Variants in SBNO2 observed in about 807,000 individuals in gnomAD.
SBNO2 encodes the protein protein strawberry notch homolog 2.
In SBNO2, 89 loss-of-function variants were observed where a neutral mutation model predicts 146.3. The observed-to-expected ratio is 0.61, with a 90% CI of 0.51 to 0.73. SBNO2 has a LOEUF of 0.73. SBNO2 is among the 30% of genes least tolerant of loss of function. SBNO2 has a pLI of 0.00. For synonymous variants in SBNO2, 1,147 were observed against 892.6 expected, an observed-to-expected ratio of 1.29 and a Z score of -5.08; for missense variants, 2,092 against 2,003.7, an observed-to-expected ratio of 1.04 and a Z score of -0.84.
At chr19:1,139,079 CA>C (rs1334922132) in intron 4 of SBNO2, among the ~76,000 whole-genome samples, 1 of 152,188 alleles carries the variant, frequency 6.6e-6, no homozygotes, top group Non-Finnish European at 1.5e-5. Context: ...CCATCATGAA[CA>C]AAAACAGTGG....
rs1568555958 is a variant in SBNO2, at chr19:1,112,326, CCCGGCCAGGCGGGGGCGGGG to C, written c.2516-45_2516-26del. 6.4e-7 allele frequency: 1 copy of C among 1,571,536 alleles called. No homozygotes were observed. Among genetic ancestry groups the C allele is most frequent in the South Asian group, 1.2e-5 (1 of 86,560 alleles). On this transcript the variant is annotated intron_variant, in intron 21 of 31. Coordinates refer to ENST00000361757, the MANE Select transcript of SBNO2 (RefSeq NM_014963.3). The surrounding 1 kb of genome is among the most constrained non-coding windows in gnomAD (Gnocchi z 5.9). The stretch of plus-strand genomic sequence containing the variant: ...CCTGGGGGCAGAGCTGCTCTCAGGG[CCCGGCCAGGCGGGGGCGGGG>C]CCGAGACCATGTTGGGGGCGGGGCC...
At chr19:1,127,488 A>G (rs753615477) in intron 5 of SBNO2, 116 bp downstream of exon 5, 2 of 993,930 alleles carry the variant, frequency 2.0e-6, no homozygotes, top group South Asian at 1.4e-5. Context: ...AGTGACAGGC[A>G]CAGCCATTGG....
intron 4 of SBNO2, among the ~76,000 whole-genome samples, chr19:1,143,119 C>T (rs1343784260): frequency 6.6e-6 from 1 of 152,188 alleles, no homozygotes; most frequent in Non-Finnish European, 1.5e-5. Context: ...TGCCACAGGT[C>T]ACACGATGGC....
rs1568633658 is a variant in SBNO2 at position 1,158,893 on chromosome 19, ACAGCCGCGACCCCACCTG to A, written c.-126-4509_-126-4492del. On this transcript the variant is annotated intron_variant, in intron 1 of 31. Coordinates refer to ENST00000361757, the MANE Select transcript of SBNO2 (RefSeq NM_014963.3). This position sits in a 1 kb window ranked among gnomAD's most constrained non-coding sequence, Gnocchi z 9.9. Reference sequence around the variant, plus strand: ...CTCCTGCAGCTGTGACCGCCGCCCCACAGCCGCGACCCCACCTGCAGCCGTGACCCCACCTGCAGCCGC... The same window carrying A: ...CTCCTGCAGCTGTGACCGCCGCCCCACAGCCGTGACCCCACCTGCAGCCGC... 6.6e-6 allele frequency among the ~76,000 whole-genome samples: 1 copy of A among 151,342 alleles called. No homozygotes were observed. The highest frequency in any genetic ancestry group is 2.1e-4 in the South Asian group (1 of 4,804).
intron 1 of SBNO2, among the ~76,000 whole-genome samples, chr19:1,161,647 T>C (rs1267361531): frequency 6.6e-6 from 1 of 151,772 alleles, no homozygotes; most frequent in African/African-American, 2.4e-5. Flanking sequence ...GGTCTCAGGA[T>C]GCCCAGGACC....
intron 5 of SBNO2, among the ~76,000 whole-genome samples, chr19:1,125,282 C>G (rs1367778935): frequency 2.7e-5 from 4 of 150,114 alleles, no homozygotes; most frequent in Non-Finnish European, 5.9e-5. Context: ...TCGCTTAAAC[C>G]CAGGAGGCAG....
chr19:1,147,174 C>A, intron 4 of SBNO2, 135 bp downstream of exon 4: 1 of 613,570 alleles, frequency 1.6e-6, no homozygotes. Context: ...CCACCGTAAA[C>A]CCTGCGGCCG....
chr19:1,114,287 A>G lies in SBNO2; in HGVS notation c.2021T>C (p.Leu674Pro). ...AACGATGACAACGTCGTCATCCACC[A>G]GGGACTCGGGGGAGGAGTTGAAGTC... Reference protein sequence around the residue: ...DSDFNSSPESLVDDDVVIVDA... With the variant: ...DSDFNSSPESPVDDDVVIVDA... Residue 674 changes from leucine to proline, a missense_variant, in exon 18 of 32, where the codon CTG becomes CCG. Physicochemically the swap from Leu to Pro is moderately conservative, Grantham distance 98. Transcript: ENST00000361757. 4 of 1,551,498 alleles carry G rather than the reference A, an allele frequency of 2.6e-6. No homozygotes were observed. Among genetic ancestry groups the G allele is most frequent in the South Asian group, 1.2e-5 (1 of 83,910 alleles).
At chr19:1,151,941 G>A (rs1022815199) in intron 2 of SBNO2, among the ~76,000 whole-genome samples, 2 of 152,200 alleles carry the variant, frequency 1.3e-5, no homozygotes, top group Admixed American at 6.5e-5. Context: ...GGGATTTCAG[G>A]CGTGAACCAT....
chr19:1,139,439 A>G (rs968969708), intron 4 of SBNO2, among the ~76,000 whole-genome samples: 2 of 152,120 alleles, frequency 1.3e-5, no homozygotes. Context: ...GGACTTTGTA[A>G]CAGCCACAGC....
chr19:1,162,415 G>A (rs377004903), intron 1 of SBNO2, among the ~76,000 whole-genome samples: 6 of 149,892 alleles, frequency 4.0e-5, no homozygotes, highest in South Asian at 2.1e-4. Context: ...AGCCGAGATC[G>A]GGCCACTGCA....
At chr19:1,155,453 G>A (rs1290765387) in intron 1 of SBNO2, among the ~76,000 whole-genome samples, 4 of 152,218 alleles carry the variant, frequency 2.6e-5, no homozygotes, top group Admixed American at 6.5e-5. Context: ...CAGTCAGGAC[G>A]CTACAACCCA....
chr19:1,148,082 G>A (rs1054239153), intron 3 of SBNO2, among the ~76,000 whole-genome samples: 1 of 152,040 alleles, frequency 6.6e-6, no homozygotes, highest in African/African-American at 2.4e-5. Context: ...CGTCCCCAGG[G>A]CCTCCTTCCC....
rs558526040 is a variant in SBNO2, at chr19:1,158,309, C to T, written c.-126-3907G>A. 6.6e-6 allele frequency among the ~76,000 whole-genome samples: 1 copy of T among 152,272 alleles called. No homozygotes were observed. Among genetic ancestry groups the T allele is most frequent in the African/African-American group, 2.4e-5 (1 of 41,536 alleles). ...GTGTCCTCGGAGCCCGGTTCTCCTG[C>T]CGTCCTCTCGCCGAGCAGGGTTGTG... is the stretch of plus-strand genomic sequence containing the variant. On this transcript the variant is annotated intron_variant, in intron 1 of 31. Transcript: ENST00000361757. This position sits in a 1 kb window ranked among gnomAD's most constrained non-coding sequence, Gnocchi z 9.9.
chr19:1,116,743 G>A, intron 16 of SBNO2, 86 bp downstream of exon 16: 2 of 1,230,652 alleles, frequency 1.6e-6, no homozygotes, highest in Admixed American at 2.3e-5. Context: ...TGGGGCCAAG[G>A]GGCAGGGTCA....
chr19:1,113,562 C>T lies in SBNO2; in HGVS notation c.2220G>A (p.Gln740=), dbSNP rs2079794175. The T allele has an allele frequency of 5.6e-6, 9 of 1,601,612 alleles. No homozygotes were observed. The highest frequency in any genetic ancestry group is 7.7e-6 in the Non-Finnish European group (9 of 1,175,392). The change falls in exon 19 of 32, where the codon CAG becomes CAA. Residue 740 remains glutamine, a synonymous_variant. Coordinates refer to ENST00000361757, the MANE Select transcript of SBNO2 (RefSeq NM_014963.3). Reference sequence around the variant, plus strand: ...CCGCCACCCGCTGGGGGCCGCCCAGCTGGTCGATGAGCTCGTCCAGGGTGT... The same window carrying T: ...CCGCCACCCGCTGGGGGCCGCCCAGTTGGTCGATGAGCTCGTCCAGGGTGT... The part of the protein sequence containing the change: ...PVNTLDELID[Q]LGGPQRVAEM...
At chr19:1,149,623 A>C (rs1215932140) in intron 2 of SBNO2, among the ~76,000 whole-genome samples, 181 bp from the exon 3 acceptor site, 1 of 152,090 alleles carries the variant, frequency 6.6e-6, no homozygotes, top group Non-Finnish European at 1.5e-5. Flanking sequence ...CAGTTTCCCC[A>C]CCTGCACAAG....
rs560512067 is a variant in SBNO2 at position 1,110,305 on chromosome 19, G to A, written c.3028+440C>T. Among the ~76,000 whole-genome samples the A allele has an allele frequency of 2.0e-5, 3 of 152,242 alleles. No individual in the cohort carries two copies. Among genetic ancestry groups the A allele is most frequent in the South Asian group, 2.1e-4 (1 of 4,826 alleles). On this transcript the variant is annotated intron_variant, in intron 26 of 31. Transcript: ENST00000361757. The surrounding 1 kb of genome is among the most constrained non-coding windows in gnomAD (Gnocchi z 4.9). ...CCCATGAGGCTGGAAGCACAGGCTCGCCGGCCTTTCGTTCACAACAATGTA... is the reference window on the plus strand; with the variant it reads ...CCCATGAGGCTGGAAGCACAGGCTCACCGGCCTTTCGTTCACAACAATGTA...
chr19:1,116,172 C>T, intron 16 of SBNO2, 69 bp from the exon 17 acceptor site: 1 of 1,436,176 alleles, frequency 7.0e-7, no homozygotes, highest in Non-Finnish European at 9.6e-7. Flanking sequence ...TCTCCAGGAG[C>T]TGGACGCACC....
Sources: gnomAD v4.1 joint callset for allele counts (sites outside exome capture counted in the v4.1 genomes callset) on GRCh38, gnomAD v4.1.1 for gene constraint, Gnocchi (gnomAD v3.1) non-coding constraint, MANE v1.5 for transcripts, NCBI Gene and HGNC (gene_info 2026-07-23, HGNC 2026-07-21) for gene names.